Variants in PDE11A observed in about 807,000 individuals in gnomAD.
PDE11A encodes dual 3',5'-cyclic-AMP and -GMP phosphodiesterase 11A.
Under a neutral mutation model 100.5 loss-of-function variants are expected in PDE11A, and 100 were observed. The ratio of observed to expected loss-of-function variants is 1.00; its 90% CI spans 0.85 to 1.18. The LOEUF (loss-of-function observed/expected upper bound fraction) is 1.18, where lower values mean the gene tolerates loss of function less well. Ranked by LOEUF, PDE11A falls within the 50% of genes most tolerant of loss-of-function variation. The probability of loss-of-function intolerance (pLI) is 0.00; values close to 1 mark genes in which losing one functional copy is unlikely to be tolerated. For synonymous variants in PDE11A, 381 were observed against 420.8 expected (o/e 0.91, Z 1.16); for missense variants, 1,141 against 1,152.6 (o/e 0.99, Z 0.15).
chr2:177,793,514 T>G (rs1574148528), intron 9 of PDE11A, among the ~76,000 whole-genome samples: 1 of 122,662 alleles, frequency 8.2e-6, no homozygotes. Context: ...CCTCGATCTG[T>G]GGAGACAATA....
intron 2 of PDE11A, among the ~76,000 whole-genome samples, chr2:178,001,314 T>G (rs978838177): frequency 1.9e-4 from 15 of 79,492 alleles, no homozygotes; most frequent in African/African-American, 7.3e-4. Context: ...GTGTGTGTAG[T>G]AGGTTTAATA....
intron 6 of PDE11A, among the ~76,000 whole-genome samples, chr2:177,827,332 A>T (rs1231693275): frequency 6.6e-6 from 1 of 152,216 alleles, no homozygotes; most frequent in Non-Finnish European, 1.5e-5. Flanking sequence ...GGCAGAGAAG[A>T]TCTAGGTACT....
chr2:177,656,984 G>A (rs890434212), intron 19 of PDE11A, among the ~76,000 whole-genome samples: 1 of 152,124 alleles, frequency 6.6e-6, no homozygotes, highest in Non-Finnish European at 1.5e-5. Context: ...ATGCTATACC[G>A]AGGACTTCGG....
At position 177,697,328 on chromosome 2, in the gene PDE11A, C is replaced by G; in HGVS notation, c.2345+4G>C. ...TGTCAAACAGATCAAATGCCAATAC[C>G]TACTCAAAGTACAGCGTGAGGTCTG... On this transcript the variant is annotated splice_donor_region_variant and intron_variant, in intron 15 of 19. Transcript: ENST00000286063. 1 of 1,424,414 alleles carries G rather than the reference C, an allele frequency of 7.0e-7. No homozygotes were observed. Among genetic ancestry groups the G allele is most frequent in the Non-Finnish European group, 9.9e-7 (1 of 1,007,014 alleles). 88.2% of individuals were successfully genotyped at this position (1,424,414 alleles called of 1,614,324 possible). A position where few individuals can be genotyped will look rare whatever the true frequency, so the allele number is the denominator to read the frequency against.
chr2:177,692,495 C>A (rs1186445157), intron 15 of PDE11A, among the ~76,000 whole-genome samples: 1 of 152,064 alleles, frequency 6.6e-6, no homozygotes, highest in Non-Finnish European at 1.5e-5. Flanking sequence ...ATGCCTATAC[C>A]CCTGTTGCTG....
chr2:177,730,485 C>T (rs951637676), intron 10 of PDE11A, among the ~76,000 whole-genome samples: 2 of 151,390 alleles, frequency 1.3e-5, no homozygotes, highest in Non-Finnish European at 2.9e-5. Flanking sequence ...CTTTTTCTTT[C>T]TTTCATTTCT....
At chr2:177,712,844 G>A (rs896005885) in intron 12 of PDE11A, among the ~76,000 whole-genome samples, 1 of 152,054 alleles carries the variant, frequency 6.6e-6, no homozygotes, top group Non-Finnish European at 1.5e-5. Context: ...AGGAGGGGGA[G>A]GATTAGGGTA....
intron 2 of PDE11A, among the ~76,000 whole-genome samples, chr2:177,916,462 G>C (rs966883391): frequency 6.6e-6 from 1 of 152,114 alleles, no homozygotes; most frequent in Admixed American, 6.5e-5. Context: ...CCACGTTTCA[G>C]TCTCTAATCC....
At chr2:177,684,720 G>A (rs73042858) in intron 15 of PDE11A, among the ~76,000 whole-genome samples, 2,260 of 152,352 alleles carry the variant, frequency 0.015, 24 homozygotes, top group South Asian at 0.035. Flanking sequence ...AATGATTTAT[G>A]TAAAACATTT....
chr2:177,844,525 T>G (rs2083547936), intron 5 of PDE11A, among the ~76,000 whole-genome samples: 1 of 151,882 alleles, frequency 6.6e-6, no homozygotes, highest in African/African-American at 2.4e-5. Context: ...TCCTTTTTTT[T>G]TTTTAATTAA....
intron 12 of PDE11A, among the ~76,000 whole-genome samples, chr2:177,725,359 TA>T (rs1342889067): frequency 6.6e-6 from 1 of 152,140 alleles, no homozygotes; most frequent in African/African-American, 2.4e-5. Flanking sequence ...AACCCTTAGT[TA>T]AGTTCAACAA....
intron 2 of PDE11A, among the ~76,000 whole-genome samples, chr2:177,961,101 A>G (rs988717836): frequency 6.6e-6 from 1 of 152,168 alleles, no homozygotes; most frequent in African/African-American, 2.4e-5. Context: ...TACAAACAGC[A>G]GGAAGAGTCC....
At chr2:177,656,847 A>AGATG (rs1344948535) in intron 19 of PDE11A, among the ~76,000 whole-genome samples, 4 of 152,224 alleles carry the variant, frequency 2.6e-5, no homozygotes, top group African/African-American at 9.6e-5. Flanking sequence ...AGGCCAGGGA[A>AGATG]GATGGACCAA....
chr2:177,899,577 T>C, intron 3 of PDE11A: 1 of 327,498 alleles, frequency 3.1e-6, no homozygotes, highest in South Asian at 2.8e-5. Context: ...CTAATACACA[T>C]CCCTTACATA....
chr2:177,671,225 C>T (rs2080674460), intron 17 of PDE11A, among the ~76,000 whole-genome samples: 2 of 152,096 alleles, frequency 1.3e-5, no homozygotes, highest in African/African-American at 4.8e-5. Context: ...AAACAAAATT[C>T]TGTCGTTGCT....
rs1412766762 is a variant in PDE11A, at chr2:177,728,065, C to T, written c.1896G>A (p.Met632Ile). The change falls in exon 11 of 20, where the codon ATG (methionine) becomes ATA (isoleucine). Residue 632 changes from methionine (M) to isoleucine (I), a missense_variant. Coordinates refer to ENST00000286063, the MANE Select transcript of PDE11A (RefSeq NM_016953.4). ...AMITAALRMFMELGMVQKFKI... is the reference protein window; with the variant it reads ...AMITAALRMFIELGMVQKFKI... Reference sequence around the variant, plus strand: ...TAAATTTCTGTACCATCCCCAGCTCCATGAACATCCGGAGAGCAGCTGTGA... The same window carrying T: ...TAAATTTCTGTACCATCCCCAGCTCTATGAACATCCGGAGAGCAGCTGTGA... The T allele has an allele frequency of 6.2e-7, 1 of 1,613,442 alleles. No individual in the cohort carries two copies. Among genetic ancestry groups the T allele is most frequent in the East Asian group, 2.2e-5 (1 of 44,868 alleles).
intron 5 of PDE11A, 88 bp downstream of exon 5, chr2:177,875,771 A>T (rs2084228136): frequency 2.4e-6 from 2 of 843,102 alleles, no homozygotes; most frequent in Admixed American, 1.7e-5. Context: ...AATATAAAGA[A>T]CTACTACTAT....
intron 2 of PDE11A, among the ~76,000 whole-genome samples, chr2:178,009,605 AG>A (rs2086252727): frequency 1.3e-5 from 2 of 152,200 alleles, no homozygotes; most frequent in Non-Finnish European, 2.9e-5. Flanking sequence ...CATTGGATGA[AG>A]GAAAAGGTGG....
chr2:177,851,052 T>C (rs6735911), intron 5 of PDE11A, among the ~76,000 whole-genome samples: 31,712 of 152,060 alleles, frequency 0.21, 3,467 homozygotes, highest in Middle Eastern at 0.27. Flanking sequence ...ACCCAAAGGA[T>C]TATAAATCAT....
Sources: gnomAD v4.1 joint callset for allele counts (sites outside exome capture counted in the v4.1 genomes callset) on GRCh38, gnomAD v4.1.1 for gene constraint, MANE v1.5 for transcripts, NCBI Gene and HGNC (gene_info 2026-07-23, HGNC 2026-07-21) for gene names.